The following PHACTR1 variants were observed in gnomAD, a reference collection of about 807,000 sequenced individuals.
PHACTR1 encodes RPEL repeat containing 1.
Under a neutral mutation model 69.2 loss-of-function variants are expected in PHACTR1, and 16 were observed. The observed-to-expected ratio is 0.23, with a 90% CI of 0.16 to 0.35. The LOEUF (loss-of-function observed/expected upper bound fraction) is 0.35. Among genes scored for constraint, PHACTR1 ranks in the 10% least tolerant of loss-of-function variants. The pLI, the probability that PHACTR1 is intolerant of heterozygous loss-of-function variation, is 1.00. For synonymous variants in PHACTR1, 312 were observed against 284.5 expected (o/e 1.10, Z -0.97); for missense variants, 510 against 734.7 (o/e 0.69, Z 3.54).
intron 10 of PHACTR1, among the ~76,000 whole-genome samples, chr6:13,271,055 C>A (rs1324822502): frequency 1.3e-5 from 2 of 150,324 alleles, no homozygotes; most frequent in Non-Finnish European, 3.0e-5. Context: ...GTCACCCAGG[C>A]TGGAGTGCAG....
intron 10 of PHACTR1, among the ~76,000 whole-genome samples, chr6:13,255,770 G>A (rs527857): frequency 0.15 from 23,132 of 152,180 alleles, 2,319 homozygotes; most frequent in Admixed American, 0.26. Context: ...CACCCAAAGC[G>A]TTGGCCAGTG....
At chr6:13,045,747 G>T (rs1480102823) in intron 4 of PHACTR1, among the ~76,000 whole-genome samples, 3 of 152,296 alleles carry the variant, frequency 2.0e-5, no homozygotes, top group South Asian at 2.1e-4. Context: ...TTCCCAGGGG[G>T]CCACTAAAGG....
At chr6:12,830,620 A>C (rs1777446718) in intron 4 of PHACTR1, among the ~76,000 whole-genome samples, 1 of 151,146 alleles carries the variant, frequency 6.6e-6, no homozygotes, top group African/African-American at 2.4e-5. Context: ...ACAGAGTTTC[A>C]CTCTTGTTGC....
chr6:13,160,011 A>C (rs985363960), intron 5 of PHACTR1, among the ~76,000 whole-genome samples, 193 bp from the exon 6 acceptor site: 21 of 152,232 alleles, frequency 1.4e-4, no homozygotes, highest in Non-Finnish European at 2.6e-4. Flanking sequence ...AAATGACATC[A>C]TCTGATTAAA....
rs144120810 is a variant in PHACTR1 at position 12,864,447 on chromosome 6, G to A, written c.250+114657G>A. ...TGTAATCCCAGCACTTTGGGAGGCC[G>A]AGGTGGGCGGATCACGAGGTCAGAA... On this transcript the variant is annotated intron_variant, in intron 4 of 14. Transcript: ENST00000332995. Among the ~76,000 whole-genome samples, 546 of 152,284 alleles carry A rather than the reference G, an allele frequency of 3.6e-3. 2 individuals are homozygous for A. The highest frequency in any genetic ancestry group is 0.013 in the African/African-American group (528 of 41,552).
At chr6:13,119,597 G>T (rs9463452) in intron 5 of PHACTR1, among the ~76,000 whole-genome samples, 5 of 152,150 alleles carry the variant, frequency 3.3e-5, no homozygotes, top group Non-Finnish European at 5.9e-5. Context: ...TACAACTCAC[G>T]TCCCAGGTTT....
intron 4 of PHACTR1, among the ~76,000 whole-genome samples, chr6:13,045,235 G>T (rs1804831209): frequency 7.1e-6 from 1 of 140,820 alleles, no homozygotes; most frequent in Admixed American, 6.8e-5. Context: ...GCTCTAAAAT[G>T]GGGATAATAT....
intron 13 of PHACTR1, among the ~76,000 whole-genome samples, chr6:13,285,836 G>A (rs1295140086): frequency 3.9e-5 from 6 of 152,114 alleles, no homozygotes; most frequent in Non-Finnish European, 7.4e-5. Context: ...ATGTGTTCTT[G>A]GGCCCCCAGG....
intron 4 of PHACTR1, among the ~76,000 whole-genome samples, chr6:12,860,938 G>A (rs547628656): frequency 6.6e-6 from 1 of 152,280 alleles, no homozygotes; most frequent in Non-Finnish European, 1.5e-5. Flanking sequence ...GGCAAGTAAG[G>A]CAACACTATA....
intron 4 of PHACTR1, among the ~76,000 whole-genome samples, chr6:12,851,674 T>C (rs1779840522): frequency 6.6e-6 from 1 of 152,198 alleles, no homozygotes; most frequent in South Asian, 2.1e-4. Flanking sequence ...AGATTCTACA[T>C]ATTCTAAAGC....
intron 5 of PHACTR1, among the ~76,000 whole-genome samples, chr6:13,125,556 A>T (rs9349470): frequency 6.6e-6 from 1 of 152,106 alleles, no homozygotes; most frequent in Non-Finnish European, 1.5e-5. Flanking sequence ...AAAATATGTC[A>T]CTCTTAAAAA....
intron 4 of PHACTR1, among the ~76,000 whole-genome samples, chr6:12,956,232 G>A (rs753294499): frequency 7.2e-5 from 11 of 152,194 alleles, no homozygotes; most frequent in Admixed American, 2.6e-4. Context: ...ATTGGGAGCC[G>A]AGAGCTATGC....
At chr6:13,225,791 T>A (rs1459723238) in intron 8 of PHACTR1, among the ~76,000 whole-genome samples, 4 of 152,074 alleles carry the variant, frequency 2.6e-5, no homozygotes, top group Non-Finnish European at 5.9e-5. Context: ...AACCAAAAAG[T>A]GGAGAGAGGA....
At chr6:13,182,228 T>C (rs1001317676) in intron 6 of PHACTR1, among the ~76,000 whole-genome samples, 2 of 152,162 alleles carry the variant, frequency 1.3e-5, no homozygotes, top group Non-Finnish European at 2.9e-5. Flanking sequence ...AGTGAAACTC[T>C]GTCTCAAAAA....
chr6:13,192,182 T>C (rs1285241021), intron 7 of PHACTR1, among the ~76,000 whole-genome samples: 1 of 152,190 alleles, frequency 6.6e-6, no homozygotes, highest in Admixed American at 6.5e-5. Context: ...AGAAAATGTT[T>C]AATAGGAGGA....
chr6:12,964,321 A>G (rs983994878), intron 4 of PHACTR1, among the ~76,000 whole-genome samples: 2 of 152,062 alleles, frequency 1.3e-5, no homozygotes, highest in African/African-American at 4.8e-5. Flanking sequence ...ATGAGAACAG[A>G]AAAAAAAGAT....
intron 6 of PHACTR1, among the ~76,000 whole-genome samples, chr6:13,172,852 A>G (rs1387803885): frequency 2.0e-5 from 3 of 152,250 alleles, no homozygotes; most frequent in Admixed American, 2.0e-4. Flanking sequence ...TCTGAGAATG[A>G]AAATAAATTT....
At chr6:13,071,229 C>A (rs1304576284) in intron 5 of PHACTR1, among the ~76,000 whole-genome samples, 1 of 152,030 alleles carries the variant, frequency 6.6e-6, no homozygotes, top group Non-Finnish European at 1.5e-5. Context: ...GAGTTCGAGA[C>A]CAGCCTGACC....
chr6:13,086,222 A>G (rs1812278657), intron 5 of PHACTR1, among the ~76,000 whole-genome samples: 1 of 152,036 alleles, frequency 6.6e-6, no homozygotes, highest in African/African-American at 2.4e-5. Context: ...AGTTTCTATA[A>G]CATAATATAA....
Sources: gnomAD v4.1 joint callset for allele counts (sites outside exome capture counted in the v4.1 genomes callset) on GRCh38, gnomAD v4.1.1 for gene constraint, MANE v1.5 for transcripts, NCBI Gene and HGNC (gene_info 2026-07-23, HGNC 2026-07-21) for gene names.